The following KLF8 variants were observed in gnomAD, a reference collection of about 807,000 sequenced individuals.
KLF8 encodes the protein Krueppel-like factor 8.
In KLF8, 10 loss-of-function variants were observed where a neutral mutation model predicts 18.2. That is an observed-to-expected ratio of 0.55 (90% CI 0.34 to 0.93). KLF8 has a LOEUF of 0.93. Ranked by LOEUF, KLF8 falls within the 40% of genes least tolerant of loss-of-function variation. The pLI, the probability that KLF8 is intolerant of heterozygous loss-of-function variation, is 0.02. For synonymous variants in KLF8, 109 were observed against 97.3 expected (o/e 1.12, Z -0.71); for missense variants, 264 against 277.9 (o/e 0.95, Z 0.36).
At chrX:56,207,123 G>A in the KLF8 span, among the ~76,000 whole-genome samples, 2 of 112,377 alleles carry the variant, frequency 1.8e-5, no homozygotes, top group East Asian at 5.7e-4. Flanking sequence ...AAGGCCCTGG[G>A]CCCAGCCCAT....
chrX:56,046,617 A>AAT, the KLF8 span, among the ~76,000 whole-genome samples: 1 of 109,351 alleles, frequency 9.1e-6, no homozygotes, highest in Non-Finnish European at 1.9e-5. Context: ...GAAAAAAAAA[A>AAT]CGGTACCTTT....
chrX:56,107,846 C>A, the KLF8 span, among the ~76,000 whole-genome samples: 1 of 111,687 alleles, frequency 9.0e-6, no homozygotes, highest in African/African-American at 3.3e-5. Flanking sequence ...TCCTATTCGG[C>A]CATCTTAGAA....
the KLF8 span, among the ~76,000 whole-genome samples, chrX:56,062,820 C>T: frequency 9.0e-6 from 1 of 111,183 alleles, no homozygotes; most frequent in East Asian, 2.8e-4. Flanking sequence ...TAGATTTGGT[C>T]TTTTCACACA....
the KLF8 span, among the ~76,000 whole-genome samples, chrX:55,937,067 G>A: frequency 9.0e-6 from 1 of 111,646 alleles, no homozygotes; most frequent in South Asian, 3.7e-4. Flanking sequence ...AGAACGGGCA[G>A]ACTGCCTCCT....
chrX:56,217,208 T>C, the KLF8 span, among the ~76,000 whole-genome samples: 1 of 111,138 alleles, frequency 9.0e-6, no homozygotes, highest in Non-Finnish European at 1.9e-5. Context: ...CTTGGAGGCA[T>C]ACTCAAGAAT....
At chrX:55,946,103 A>T in the KLF8 span, among the ~76,000 whole-genome samples, 1 of 111,744 alleles carries the variant, frequency 8.9e-6, no homozygotes, top group African/African-American at 3.3e-5. Context: ...TCAAGCTACC[A>T]ATTACTTTCT....
the KLF8 span, among the ~76,000 whole-genome samples, chrX:56,178,945 G>A: frequency 8.9e-6 from 1 of 112,103 alleles, no homozygotes; most frequent in South Asian, 3.7e-4. Flanking sequence ...TCTTTTGGTT[G>A]AAGATTGCCT....
the KLF8 span, chrX:56,074,719 T>C: frequency 6.1e-6 from 1 of 164,055 alleles, no homozygotes; most frequent in Non-Finnish European, 1.2e-5. Flanking sequence ...AATTGGGAAA[T>C]ATGAATCTTC....
At chrX:56,048,718 T>C in the KLF8 span, among the ~76,000 whole-genome samples, 2 of 111,894 alleles carry the variant, frequency 1.8e-5, no homozygotes, top group African/African-American at 6.5e-5. Flanking sequence ...TCCAGCTTTG[T>C]TCTTTTGGCT....
chrX:56,184,843 A>G, the KLF8 span, among the ~76,000 whole-genome samples: 571 of 112,496 alleles, frequency 5.1e-3, 2 homozygotes, highest in Non-Finnish European at 5.6e-3. Context: ...ACTAACAAAC[A>G]GAAAGGACAT....
At chrX:56,078,590 G>T in the KLF8 span, among the ~76,000 whole-genome samples, 156 of 111,735 alleles carry the variant, frequency 1.4e-3, no homozygotes, top group African/African-American at 4.5e-3. Flanking sequence ...CAAGGATATT[G>T]GTGTAAAATT....
chrX:55,942,965 CTG>C, the KLF8 span, among the ~76,000 whole-genome samples: 1 of 111,662 alleles, frequency 9.0e-6, no homozygotes, highest in Non-Finnish European at 1.9e-5. Context: ...TGTCCGGAGA[CTG>C]TGGCCCAAGA....
chrX:56,103,862 T>C, the KLF8 span, among the ~76,000 whole-genome samples: 1 of 111,056 alleles, frequency 9.0e-6, no homozygotes, highest in Non-Finnish European at 1.9e-5. Context: ...CATAGATAGC[T>C]CTTATTATTT....
the KLF8 span, among the ~76,000 whole-genome samples, chrX:56,005,694 G>T: frequency 8.9e-6 from 1 of 112,463 alleles, no homozygotes; most frequent in Non-Finnish European, 1.9e-5. Context: ...GCATGGCAGG[G>T]TGTGTGCATG....
the KLF8 span, among the ~76,000 whole-genome samples, chrX:55,931,663 C>G: frequency 8.9e-6 from 1 of 111,925 alleles, no homozygotes; most frequent in Non-Finnish European, 1.9e-5. Context: ...TGTTCAGTTT[C>G]CATGTAGTTG....
chrX:56,192,489 C>T, the KLF8 span, among the ~76,000 whole-genome samples: 1,243 of 111,413 alleles, frequency 0.011, 8 homozygotes, highest in Middle Eastern at 0.038. Context: ...TATGGTACCA[C>T]AAAATACCTA....
chrX:55,987,556 T>C, the KLF8 span, among the ~76,000 whole-genome samples: 1 of 112,244 alleles, frequency 8.9e-6, no homozygotes, highest in South Asian at 3.7e-4. Flanking sequence ...CTGCATAGTA[T>C]TCCATGGTGT....
rs1418080037 is a variant in KLF8, at chrX:56,285,151, TGAG to T, written c.*661_*663del. 1 of 112,381 alleles carries T rather than the reference TGAG, an allele frequency of 8.9e-6. No homozygotes were observed. The highest frequency in any genetic ancestry group is 2.8e-4 in the East Asian group (1 of 3,572). 9.3% of individuals were successfully genotyped at this position (112,381 alleles called of 1,213,427 possible). A position where few individuals can be genotyped will look rare whatever the true frequency, so the allele number is the denominator to read the frequency against. ...CTGCTTCTTAAGTTCATCAAGGGAA[TGAG>T]GAGTTCTTGTCCTTCTCCTCCTCTT... On this transcript the variant is annotated 3_prime_UTR_variant, in exon 6 of 6. Transcript: ENST00000468660.
chrX:56,155,200 C>A, the KLF8 span, among the ~76,000 whole-genome samples: 34 of 111,688 alleles, frequency 3.0e-4, no homozygotes, highest in Non-Finnish European at 5.6e-4. Context: ...GACCTGGAAT[C>A]AACCCAAATG....
Sources: allele counts gnomAD v4.1 joint callset (sites outside exome capture counted in the v4.1 genomes callset), GRCh38; gene constraint gnomAD v4.1.1; transcripts MANE v1.5; gene names NCBI Gene and HGNC (gene_info 2026-07-23, HGNC 2026-07-21).